PTPRD: variants seen among roughly 807,000 people sequenced by gnomAD.
PTPRD encodes the protein protein tyrosine phosphatase receptor type D.
In PTPRD, 34 loss-of-function variants were observed where a neutral mutation model predicts 214.5. The observed-to-expected ratio is 0.16, with a 90% CI of 0.12 to 0.21. The LOEUF (loss-of-function observed/expected upper bound fraction) is 0.21. Ranked by LOEUF, PTPRD falls within the 10% of genes least tolerant of loss-of-function variation. PTPRD has a pLI of 1.00. For missense variants in PTPRD, 2,545 were observed against 2,398.7 expected (o/e 1.06, Z -1.27); for synonymous variants, 1,128 against 845.7 (o/e 1.33, Z -5.79).
At chr9:10,465,974 T>C (rs2098990600) in intron 2 of PTPRD, among the ~76,000 whole-genome samples, 1 of 152,160 alleles carries the variant, frequency 6.6e-6, no homozygotes, top group Non-Finnish European at 1.5e-5. Flanking sequence ...ACAATCAAAA[T>C]ACAGTTTTAG....
In PTPRD at chr9:9,809,707, T is replaced by C. The variant is rs562879784; in HGVS notation, c.-367-42856A>G. On this transcript the variant is annotated intron_variant, in intron 5 of 45. Transcript: ENST00000381196. ...ATTTTTCAAATAATTGGCTAAACAC[T>C]AGAAGAGAAGGAAAAGGGAAATATG... Among the ~76,000 whole-genome samples, 5 of 152,232 alleles carry C rather than the reference T, an allele frequency of 3.3e-5. 1 individual carries two copies. In the South Asian group the frequency reaches 1.0e-3, roughly 32 times the overall value.
intron 33 of PTPRD, among the ~76,000 whole-genome samples, chr9:8,450,960 G>C (rs1449703232): frequency 6.6e-6 from 1 of 152,116 alleles, no homozygotes; most frequent in Non-Finnish European, 1.5e-5. Context: ...GCTGCACAGT[G>C]TTTAGGAACT....
At chr9:8,888,559 C>T (rs1170252477) in intron 11 of PTPRD, among the ~76,000 whole-genome samples, 1 of 152,166 alleles carries the variant, frequency 6.6e-6, no homozygotes, top group East Asian at 1.9e-4. Flanking sequence ...ATAAGAGGGG[C>T]TTTTATGAAA....
At chr9:9,537,800 A>G (rs2076819040) in intron 8 of PTPRD, among the ~76,000 whole-genome samples, 1 of 151,986 alleles carries the variant, frequency 6.6e-6, no homozygotes, top group Non-Finnish European at 1.5e-5. Flanking sequence ...CACCCATTAT[A>G]TAACTAAGCT....
chr9:9,339,248 C>A (rs755360925), intron 9 of PTPRD, among the ~76,000 whole-genome samples: 2 of 151,438 alleles, frequency 1.3e-5, no homozygotes, highest in Admixed American at 6.6e-5. Context: ...GAGGCCGAGG[C>A]AGGTGGATCA....
At chr9:8,886,292 A>G (rs1484493074) in intron 11 of PTPRD, among the ~76,000 whole-genome samples, 1 of 152,180 alleles carries the variant, frequency 6.6e-6, no homozygotes, top group African/African-American at 2.4e-5. Context: ...TATTTCACTA[A>G]CTATGTAATT....
intron 21 of PTPRD, 131 bp from the exon 22 acceptor site, chr9:8,507,565 T>G: frequency 9.2e-7 from 1 of 1,088,366 alleles, no homozygotes; most frequent in Admixed American, 2.2e-5. Flanking sequence ...AACAAGCTCC[T>G]TTACCTTGTC....
At chr9:8,826,973 T>C (rs1220581092) in intron 11 of PTPRD, among the ~76,000 whole-genome samples, 1 of 152,052 alleles carries the variant, frequency 6.6e-6, no homozygotes, top group African/African-American at 2.4e-5. Context: ...TTTCTCCCCT[T>C]GTTTAAACTG....
chr9:9,745,722 G>T (rs1194090219), intron 6 of PTPRD, among the ~76,000 whole-genome samples: 1 of 151,976 alleles, frequency 6.6e-6, no homozygotes, highest in African/African-American at 2.4e-5. Flanking sequence ...CTACCTTTCT[G>T]GCCTCAATTT....
rs2098921378 is a variant in PTPRD, at chr9:8,928,581, T to TACCATGCTG, written c.-104+90115_-104+90116insCAGCATGGT. Among the ~76,000 whole-genome samples the TACCATGCTG allele has an allele frequency of 3.1e-3, 3 of 982 alleles. 1 individual carries two copies. The highest frequency in any genetic ancestry group is 5.1e-3 in the Non-Finnish European group (3 of 588). The allele number at this position is 982 out of a possible 152,430, so 0.6% of individuals were successfully genotyped here. ...GTCTATATCTCTGTTTTGGTACCAG[T>TACCATGCTG]TGGTTACTCTAGCCTTGTAGTATAG... is the stretch of plus-strand genomic sequence containing the variant. On this transcript the variant is annotated intron_variant, in intron 11 of 45. Transcript: ENST00000381196.
At chr9:8,761,325 A>G (rs1407314539) in intron 11 of PTPRD, among the ~76,000 whole-genome samples, 2 of 152,220 alleles carry the variant, frequency 1.3e-5, no homozygotes, top group Admixed American at 1.3e-4. Context: ...GTGGTTAAAT[A>G]AAGAATAATT....
chr9:8,500,399 A>G (rs1348552513), intron 24 of PTPRD, among the ~76,000 whole-genome samples: 1 of 151,868 alleles, frequency 6.6e-6, no homozygotes, highest in East Asian at 1.9e-4. Flanking sequence ...GGTAGTTTTG[A>G]AAAGTTAACT....
chr9:8,827,996 C>G (rs2097209392), intron 11 of PTPRD, among the ~76,000 whole-genome samples: 1 of 152,110 alleles, frequency 6.6e-6, no homozygotes, highest in African/African-American at 2.4e-5. Flanking sequence ...ATATTCAATA[C>G]TGTGTTGGGC....
intron 9 of PTPRD, among the ~76,000 whole-genome samples, chr9:9,266,866 A>C (rs1012821919): frequency 6.6e-6 from 1 of 151,246 alleles, no homozygotes; most frequent in African/African-American, 2.4e-5. Flanking sequence ...AAAAATCTTT[A>C]ATAAGCAACC....
chr9:9,974,641 A>T (rs547429451), intron 4 of PTPRD, among the ~76,000 whole-genome samples: 20 of 152,266 alleles, frequency 1.3e-4, no homozygotes, highest in Admixed American at 2.0e-4. Context: ...GAAGCTTCCG[A>T]CATCTTTTGA....
intron 2 of PTPRD, among the ~76,000 whole-genome samples, chr9:10,457,892 GA>G (rs2098929991): frequency 6.6e-6 from 1 of 151,906 alleles, no homozygotes; most frequent in Non-Finnish European, 1.5e-5. Context: ...TATAAAATCA[GA>G]AATGTAAAGG....
chr9:9,920,691 G>A (rs1375063129), intron 5 of PTPRD, among the ~76,000 whole-genome samples: 2 of 152,114 alleles, frequency 1.3e-5, no homozygotes, highest in African/African-American at 4.8e-5. Context: ...TGAATAAGAA[G>A]GAGTTAAGCC....
chr9:10,057,057 G>C (rs2097665376), intron 3 of PTPRD, among the ~76,000 whole-genome samples: 1 of 152,140 alleles, frequency 6.6e-6, no homozygotes, highest in South Asian at 2.1e-4. Flanking sequence ...CAAATTGCAA[G>C]TCAGCAAAGC....
chr9:9,916,386 G>A (rs113067367), intron 5 of PTPRD, among the ~76,000 whole-genome samples: 1 of 151,816 alleles, frequency 6.6e-6, no homozygotes, highest in Admixed American at 6.6e-5. Context: ...AAGGAACAAA[G>A]GGTATATAAA....
Sources: allele counts gnomAD v4.1 joint callset (sites outside exome capture counted in the v4.1 genomes callset), GRCh38; gene constraint gnomAD v4.1.1; transcripts MANE v1.5; gene names NCBI Gene and HGNC (gene_info 2026-07-23, HGNC 2026-07-21).